The following TEX9 variants were observed in gnomAD, a reference collection of about 807,000 sequenced individuals.
TEX9 encodes testis-expressed protein 9.
In TEX9, 74 loss-of-function variants were observed where a neutral mutation model predicts 59.6. The ratio of observed to expected loss-of-function variants is 1.24; its 90% confidence interval spans 1.03 to 1.51. TEX9 has a LOEUF of 1.51. TEX9 is among the 40% of genes most tolerant of loss of function. TEX9 has a pLI of 0.00. For missense variants in TEX9, 522 were observed against 447.8 expected (o/e 1.17, Z -1.49); for synonymous variants, 186 against 152.2 (o/e 1.22, Z -1.64).
At chr15:56,343,278 T>C (rs1230769544) in intron 1 of TEX9, among the ~76,000 whole-genome samples, 1 of 152,054 alleles carries the variant, frequency 6.6e-6, no homozygotes, top group Non-Finnish European at 1.5e-5. Flanking sequence ...CTTAAATATA[T>C]CTAGATATCC....
intron 12 of TEX9, chr15:56,444,500 T>C (rs769653991): frequency 2.5e-6 from 4 of 1,611,220 alleles, no homozygotes; most frequent in African/African-American, 1.3e-5. Context: ...GTTTCTCTTT[T>C]AGCAGCTGCT....
At chr15:56,286,085 C>G (rs10518847) in intron 1 of TEX9, among the ~76,000 whole-genome samples, 5,432 of 152,168 alleles carry the variant, frequency 0.036, 349 homozygotes, top group African/African-American at 0.12. Context: ...TGTCTGGAAA[C>G]TATTTTGAGA....
chr15:56,445,560 T>C (rs1259467507), intron 12 of TEX9: 1 of 152,050 alleles, frequency 6.6e-6, no homozygotes, highest in Non-Finnish European at 1.5e-5. Context: ...ATGTTTCTGA[T>C]TATCTTCTTT....
intron 1 of TEX9, among the ~76,000 whole-genome samples, chr15:56,342,450 C>G (rs2141836357): frequency 6.6e-6 from 1 of 151,942 alleles, no homozygotes; most frequent in East Asian, 1.9e-4. Context: ...CAACAAGAAA[C>G]TTCTATCAAC....
intron 1 of TEX9, among the ~76,000 whole-genome samples, chr15:56,336,270 C>A (rs1272931520): frequency 6.6e-6 from 1 of 152,132 alleles, no homozygotes. Flanking sequence ...ACCCCCCATT[C>A]ATGTTAAATC....
rs371178210 is a variant in TEX9, at chr15:56,349,614, G to C, written c.-106-23827G>C. On this transcript the variant is annotated intron_variant, in intron 1 of 5. Transcript: ENST00000560827. ...ACACCCTGCTATTCCCTTCACCCAA[G>C]TATCGTTTTCCTTTCATAAAATGCC... Among the ~76,000 whole-genome samples, 31 of 152,084 alleles carry C rather than the reference G, an allele frequency of 2.0e-4. 1 individual carries two copies. The South Asian group carries it at 5.0e-3, about 24-fold the overall frequency.
chr15:56,307,574 G>C lies in TEX9; in HGVS notation c.-107+63296G>C, dbSNP rs542425040. Among the ~76,000 whole-genome samples, 20 of 152,308 alleles carry C rather than the reference G, an allele frequency of 1.3e-4. No homozygotes were observed. The South Asian group carries it at 3.9e-3, about 30-fold the overall frequency. ...TTTGCCAGGCATTTAAAAAATAACA[G>C]CTTTGTTGACATAAATTACGTATCA... is the stretch of plus-strand genomic sequence containing the variant. On this transcript the variant is annotated intron_variant, in intron 1 of 5. Coordinates refer to the TEX9 transcript ENST00000560827.
At chr15:56,436,161 C>G (rs553108383) in intron 12 of TEX9, among the ~76,000 whole-genome samples, 2 of 152,136 alleles carry the variant, frequency 1.3e-5, no homozygotes, top group Non-Finnish European at 2.9e-5. Context: ...ACATTCTTCT[C>G]AGCACCACAC....
Position 56,277,692 on chromosome 15 carries a change from T to C in TEX9, c.-107+33414T>C, listed in dbSNP as rs572240933. The stretch of plus-strand genomic sequence containing the variant: ...TATGAAATTCAAAGTAGTTGTTTTT[T>C]TTCTATGTATTCATTTCATTAGAGA... On this transcript the variant is annotated intron_variant, in intron 1 of 5. Transcript: ENST00000560827. Among the ~76,000 whole-genome samples, 20 of 152,290 alleles carry C rather than the reference T, an allele frequency of 1.3e-4. No homozygotes were observed. In the South Asian group the frequency reaches 3.9e-3, roughly 30 times the overall value.
chr15:56,245,888 G>A (rs1209645524), intron 1 of TEX9, among the ~76,000 whole-genome samples: 1 of 152,102 alleles, frequency 6.6e-6, no homozygotes. Context: ...GTGTGTGTAT[G>A]CCCTATATCA....
At chr15:56,400,334 G>A (rs1233650120) in intron 9 of TEX9, among the ~76,000 whole-genome samples, 1 of 152,316 alleles carries the variant, frequency 6.6e-6, no homozygotes, top group Admixed American at 6.5e-5. Context: ...ACTCCGTGAT[G>A]CGTGGACAAG....
chr15:56,431,102 T>A (rs1273446108), intron 12 of TEX9, among the ~76,000 whole-genome samples: 6 of 152,154 alleles, frequency 3.9e-5, no homozygotes, highest in African/African-American at 1.4e-4. Context: ...TGCAGTAAGC[T>A]GACATCTTGC....
At chr15:56,347,455 G>A (rs543755773) in intron 1 of TEX9, among the ~76,000 whole-genome samples, 1 of 151,922 alleles carries the variant, frequency 6.6e-6, no homozygotes, top group South Asian at 2.1e-4. Flanking sequence ...TTTTGATAAA[G>A]ATGCAAAAGC....
intron 4 of TEX9, among the ~76,000 whole-genome samples, chr15:56,384,382 G>A (rs1196876513): frequency 1.3e-5 from 2 of 152,152 alleles, no homozygotes; most frequent in African/African-American, 2.4e-5. Context: ...CAGAAGTTTA[G>A]TTAATCTCTT....
intron 9 of TEX9, chr15:56,397,436 C>A (rs1177646993): frequency 6.6e-6 from 1 of 152,212 alleles, no homozygotes; most frequent in African/African-American, 2.4e-5. Flanking sequence ...AAAAGAAAAT[C>A]CCATTTTCTG....
At chr15:56,311,051 T>G (rs1380463369) in intron 1 of TEX9, among the ~76,000 whole-genome samples, 5 of 152,164 alleles carry the variant, frequency 3.3e-5, no homozygotes, top group African/African-American at 9.6e-5. Flanking sequence ...CCTTCTGCCC[T>G]GGCATTTGCA....
chr15:56,262,446 C>A (rs2044288900), intron 1 of TEX9, among the ~76,000 whole-genome samples: 1 of 152,146 alleles, frequency 6.6e-6, no homozygotes, highest in South Asian at 2.1e-4. Flanking sequence ...CAGGCTAATT[C>A]CACCATGGTC....
chr15:56,301,959 C>A (rs1226716159), intron 1 of TEX9, among the ~76,000 whole-genome samples: 1 of 151,922 alleles, frequency 6.6e-6, no homozygotes, highest in South Asian at 2.1e-4. Context: ...GAAAGAAGAA[C>A]CAATCAAAAC....
chr15:56,245,557 TGATA>T, intron 1 of TEX9, among the ~76,000 whole-genome samples: 1 of 152,334 alleles, frequency 6.6e-6, no homozygotes, highest in East Asian at 1.9e-4. Flanking sequence ...TGGACCTAAT[TGATA>T]GACATGGTGT....
Sources: gnomAD v4.1 joint callset for allele counts (sites outside exome capture counted in the v4.1 genomes callset) on GRCh38, gnomAD v4.1.1 for gene constraint, MANE v1.5 for transcripts, NCBI Gene and HGNC (gene_info 2026-07-23, HGNC 2026-07-21) for gene names.